The following TMPRSS15 variants were observed in gnomAD, a reference collection of about 807,000 sequenced individuals.
TMPRSS15 encodes transmembrane serine protease 15, also known as enteropeptidase.
In TMPRSS15, 128 loss-of-function variants were observed where a neutral mutation model predicts 125.3. The ratio of observed to expected loss-of-function variants is 1.02; its 90% confidence interval spans 0.89 to 1.18. The LOEUF is 1.18. TMPRSS15 is among the 50% of genes most tolerant of loss of function. The pLI is 0.00. For synonymous variants in TMPRSS15, 446 were observed against 423.2 expected (o/e 1.05, Z -0.66); for missense variants, 1,283 against 1,212.7 (o/e 1.06, Z -0.86).
intron 1 of TMPRSS15, among the ~76,000 whole-genome samples, chr21:18,402,834 T>C (rs897950057): frequency 2.6e-5 from 4 of 152,176 alleles, no homozygotes; most frequent in Non-Finnish European, 4.4e-5. Context: ...CCAATAAGCT[T>C]TCATATGTTG....
At chr21:18,387,620 C>T (rs1251534154) in intron 3 of TMPRSS15, among the ~76,000 whole-genome samples, 2 of 11,962 alleles carry the variant, frequency 1.7e-4, no homozygotes, top group African/African-American at 3.6e-4. Flanking sequence ...CATACACACA[C>T]ACACACACAC....
intron 22 of TMPRSS15, 152 bp from the exon 23 acceptor site, chr21:18,279,211 C>T (rs772563815): frequency 1.8e-5 from 10 of 540,974 alleles, no homozygotes; most frequent in Admixed American, 2.9e-5. Flanking sequence ...TTTTAGACAT[C>T]GGTCTTAGGG....
intron 3 of TMPRSS15, among the ~76,000 whole-genome samples, chr21:18,392,748 G>T (rs1222210586): frequency 1.3e-5 from 2 of 152,122 alleles, no homozygotes; most frequent in African/African-American, 4.8e-5. Flanking sequence ...TCACAGTTCT[G>T]CATGACTGGG....
At chr21:18,420,124 T>C (rs565283992) in intron 1 of TMPRSS15, among the ~76,000 whole-genome samples, 1 of 152,226 alleles carries the variant, frequency 6.6e-6, no homozygotes, top group Non-Finnish European at 1.5e-5. Flanking sequence ...AGACTAGACA[T>C]GAAAAATTTG....
At chr21:18,409,584 T>G (rs1490382652) in intron 1 of TMPRSS15, among the ~76,000 whole-genome samples, 2 of 152,252 alleles carry the variant, frequency 1.3e-5, no homozygotes, top group East Asian at 3.9e-4. Flanking sequence ...ATTTCTGTTC[T>G]CTGCCATCCC....
intron 5 of TMPRSS15, among the ~76,000 whole-genome samples, chr21:18,377,771 G>T (rs1308829561): frequency 6.6e-6 from 1 of 152,072 alleles, no homozygotes; most frequent in Non-Finnish European, 1.5e-5. Context: ...GTGTAGAAGA[G>T]AAGATTTCTG....
chr21:18,371,295 G>T (rs2075789822), intron 6 of TMPRSS15, among the ~76,000 whole-genome samples: 1 of 152,106 alleles, frequency 6.6e-6, no homozygotes, highest in Admixed American at 6.5e-5. Context: ...CATTTACTGT[G>T]TGTCCTGTGG....
intron 24 of TMPRSS15, among the ~76,000 whole-genome samples, chr21:18,273,367 T>C (rs1215804700): frequency 6.6e-6 from 1 of 152,186 alleles, no homozygotes; most frequent in East Asian, 1.9e-4. Context: ...ATTTAATCAG[T>C]TAATCCTGTT....
chr21:18,372,653 T>G (rs2075803539), intron 5 of TMPRSS15, among the ~76,000 whole-genome samples: 2 of 152,202 alleles, frequency 1.3e-5, no homozygotes, highest in Admixed American at 1.3e-4. Flanking sequence ...CAAAGTCATT[T>G]TAAAGTAAGA....
At chr21:18,322,539 G>A (rs1327247354) in intron 16 of TMPRSS15, among the ~76,000 whole-genome samples, 1 of 152,144 alleles carries the variant, frequency 6.6e-6, no homozygotes, top group Non-Finnish European at 1.5e-5. Flanking sequence ...GGAATATTAT[G>A]CAGTCATAAT....
Position 18,317,908 on chromosome 21 carries a change from C to G in TMPRSS15, c.1922-2652G>C, listed in dbSNP as rs965547679. On this transcript the variant is annotated intron_variant, in intron 16 of 24. Transcript: ENST00000284885. ...CCATCCCATCCCATCCCATCCCATC[C>G]TATCCCAACCCATTCTATTCCATAA... Among the ~76,000 whole-genome samples, 25 of 136,642 alleles carry G rather than the reference C, an allele frequency of 1.8e-4. 1 individual carries two copies. Among genetic ancestry groups the G allele is most frequent in the Admixed American group, 9.5e-4 (13 of 13,614 alleles). The allele number at this position is 136,642 out of a possible 152,430, so 89.6% of individuals were successfully genotyped here. A position where few individuals can be genotyped will look rare whatever the true frequency, so the allele number is the denominator to read the frequency against.
intron 13 of TMPRSS15, among the ~76,000 whole-genome samples, chr21:18,333,595 T>G (rs2146971531): frequency 6.6e-6 from 1 of 152,302 alleles, no homozygotes; most frequent in Non-Finnish European, 1.5e-5. Flanking sequence ...AGCTTCACTA[T>G]TCTGCACATG....
At chr21:18,280,983 C>T in intron 22 of TMPRSS15, 57 bp downstream of exon 22, 1 of 1,542,592 alleles carries the variant, frequency 6.5e-7, no homozygotes, top group Non-Finnish European at 8.9e-7. Flanking sequence ...TATTTGAAAT[C>T]TAGTTTTGAA....
chr21:18,376,307 C>G (rs899263597), intron 5 of TMPRSS15, among the ~76,000 whole-genome samples: 1 of 151,660 alleles, frequency 6.6e-6, no homozygotes, highest in South Asian at 2.1e-4. Flanking sequence ...TGAGTAGGAA[C>G]GTCTTAAATT....
chr21:18,407,460 T>C (rs2076155407), upstream of TMPRSS15, among the ~76,000 whole-genome samples: 1 of 124,898 alleles, frequency 8.0e-6, no homozygotes, highest in Admixed American at 8.9e-5. Flanking sequence ...TTTTTTTTTT[T>C]TTTTTTGAGA....
intron 1 of TMPRSS15, among the ~76,000 whole-genome samples, chr21:18,418,095 G>C (rs1161054511): frequency 6.6e-6 from 1 of 152,138 alleles, no homozygotes; most frequent in Admixed American, 6.5e-5. Context: ...TTGCTCATTT[G>C]TTCTTTCTGT....
intron 13 of TMPRSS15, among the ~76,000 whole-genome samples, chr21:18,335,500 A>G (rs1488852479): frequency 6.6e-6 from 1 of 152,218 alleles, no homozygotes; most frequent in Non-Finnish European, 1.5e-5. Flanking sequence ...TGTCAAGTGT[A>G]ATAGTTAAGC....
chr21:18,358,325 C>A (rs1160591465), intron 8 of TMPRSS15, among the ~76,000 whole-genome samples: 5 of 151,828 alleles, frequency 3.3e-5, no homozygotes, highest in Non-Finnish European at 2.9e-5. Context: ...AGCATTTAGT[C>A]AGTCAACTCA....
At chr21:18,295,534 T>C (rs1446120481) in intron 19 of TMPRSS15, among the ~76,000 whole-genome samples, 1 of 152,222 alleles carries the variant, frequency 6.6e-6, no homozygotes, top group Non-Finnish European at 1.5e-5. Context: ...TGTTTAGATC[T>C]TTAAAAATGC....
Sources: allele counts gnomAD v4.1 joint callset (sites outside exome capture counted in the v4.1 genomes callset), GRCh38; gene constraint gnomAD v4.1.1; transcripts MANE v1.5; gene names NCBI Gene and HGNC (gene_info 2026-07-23, HGNC 2026-07-21).